Variants in PKD1 observed in about 807,000 individuals in gnomAD.
The protein encoded by PKD1 is polycystin-1.
In PKD1, 81 loss-of-function variants were observed where a neutral mutation model predicts 361.7. That is an observed-to-expected ratio of 0.22 (90% confidence interval 0.19 to 0.27). PKD1 has a LOEUF of 0.27. Ranked by LOEUF, PKD1 falls within the 10% of genes least tolerant of loss-of-function variation. The probability of loss-of-function intolerance (pLI) is 1.00; values close to 1 mark genes in which losing one functional copy is unlikely to be tolerated. For missense variants in PKD1, 6,399 were observed against 6,118.3 expected (o/e 1.05, Z -1.53); for synonymous variants, 3,615 against 2,818.3 (o/e 1.28, Z -8.95).
At chr16:2,129,290 G>A (rs2151846908) in intron 1 of PKD1, among the ~76,000 whole-genome samples, 1 of 149,908 alleles carries the variant, frequency 6.7e-6, no homozygotes, top group Admixed American at 6.7e-5. Flanking sequence ...CTCCCAACTA[G>A]CTGGGACTAC....
chr16:2,108,341 G>A lies in PKD1; in HGVS notation c.6826C>T (p.Leu2276=). 2 of 1,608,208 alleles carry A rather than the reference G, an allele frequency of 1.2e-6. No homozygotes were observed. The highest frequency in any genetic ancestry group is 1.7e-6 in the Non-Finnish European group (2 of 1,177,792). The change falls in exon 15 of 46, where the codon CTG becomes TTG. Residue 2276 remains leucine, a synonymous_variant. Coordinates refer to ENST00000262304, the MANE Select transcript of PKD1 (RefSeq NM_001009944.3). ...GGGTCGTAGGACTCGCTCCCATCCA[G>A]CACCAGGTCCCGTGTGTCTGACCAC... ...RVWSDTRDLV[L]DGSESYDPNL...
intron 15 of PKD1, 40 bp downstream of exon 15, chr16:2,108,212 C>T (rs774548417): frequency 4.1e-5 from 64 of 1,561,632 alleles, no homozygotes; most frequent in African/African-American, 5.4e-5. Flanking sequence ...TGGGTGTGGA[C>T]GGGTGAGGGG....
In PKD1 at chr16:2,108,971, G is replaced by C; in HGVS notation, c.6196C>G (p.Leu2066Val). Residue 2066 changes from leucine to valine, a missense_variant, in exon 15 of 46, where the codon CTG becomes GTG. Physicochemically the swap from Leu to Val is conservative, Grantham distance 32. Coordinates refer to ENST00000262304, the MANE Select transcript of PKD1 (RefSeq NM_001009944.3). ...EVQDAVQYVA[L>V]QSGPCFTNRS... ...TTGGTGAAGCAGGGGCCGCTCTGCA[G>C]GGCCACATACTGGACGGCGTCCTGA... is the stretch of plus-strand genomic sequence containing the variant. 1 of 1,609,852 alleles carries C rather than the reference G, an allele frequency of 6.2e-7. No homozygotes were observed.
At chr16:2,135,181 A>G (rs1773352179) in intron 1 of PKD1, 1 of 972,976 alleles carries the variant, frequency 1.0e-6, no homozygotes, top group African/African-American at 1.8e-5. Flanking sequence ...TTCCTCTCCA[A>G]TTAGCGACTG....
chr16:2,092,023 G>A (rs1251595027), intron 40 of PKD1, 24 bp downstream of exon 40: 66 of 1,612,472 alleles, frequency 4.1e-5, no homozygotes, highest in Non-Finnish European at 5.3e-5. Context: ...TGGCGTAGAC[G>A]CCCGGGGCCC....
rs185901705 is a variant in PKD1, at chr16:2,111,834, G to A, written c.3333C>T (p.Phe1111=). 3.7e-5 allele frequency: 59 copies of A among 1,610,284 alleles called. No homozygotes were observed. Among genetic ancestry groups the A allele is most frequent in the East Asian group, 4.5e-5 (2 of 44,862 alleles). The change falls in exon 15 of 46, where the codon TTC becomes TTT. Residue 1111 remains phenylalanine (F), a synonymous_variant. Transcript: ENST00000262304. ...YLLTVLASNA[F]ENLTQQVPVS... is the part of the protein sequence containing the mutation. ...CAGGCACCTGCTGCGTCAGGTTCTCGAAGGCATTAGATGCCAGCACGGTCA... is the reference window on the plus strand; with the variant it reads ...CAGGCACCTGCTGCGTCAGGTTCTCAAAGGCATTAGATGCCAGCACGGTCA...
chr16:2,097,801 T>G (rs372581526), intron 31 of PKD1, 21 bp from the exon 32 acceptor site: 17 of 1,611,294 alleles, frequency 1.1e-5, no homozygotes, highest in East Asian at 2.2e-5. Flanking sequence ...CACAGTGTCT[T>G]GAGTCCAAGC....
Position 2,089,693 on chromosome 16 carries a change from C to G in PKD1, c.*34G>C. The G allele has an allele frequency of 3.2e-6, 5 of 1,553,452 alleles. No homozygotes were observed. Among genetic ancestry groups the G allele is most frequent in the Non-Finnish European group, 4.4e-6 (5 of 1,149,366 alleles). On this transcript the variant is annotated 3_prime_UTR_variant, in exon 46 of 46. Transcript: ENST00000262304. ...AAGTAATACTGAGCGGTGTCCACTC[C>G]GACTCCACGGCCCACCCCCGCCAGG...
intron 16 of PKD1, chr16:2,107,636 T>A: frequency 1.7e-6 from 1 of 585,250 alleles, no homozygotes; most frequent in Non-Finnish European, 3.1e-6. Context: ...TCCTCACTGT[T>A]GGTATTGCTA....
At chr16:2,098,083 C>T (rs1370734327) in intron 30 of PKD1, 99 bp from the exon 31 acceptor site, 7 of 697,188 alleles carry the variant, frequency 1.0e-5, no homozygotes, top group East Asian at 7.9e-5. Flanking sequence ...AGCCCGGTGC[C>T]ATCTGACAGA....
In PKD1 at chr16:2,115,496, CAGG is replaced by C. The variant is rs1420955278; in HGVS notation, c.1976_1978del (p.Ser659del). On this transcript the variant is annotated inframe_deletion, in exon 10 of 46. Coordinates refer to ENST00000262304, the MANE Select transcript of PKD1 (RefSeq NM_001009944.3). ...GCCATTGGCGCAGGCCTGGGGGTGG[CAGG>C]AGGCGTCCAGCGGCAAGCAGATGTT... 1 of 1,601,650 alleles carries C rather than the reference CAGG, an allele frequency of 6.2e-7. No individual in the cohort carries two copies. The highest frequency in any genetic ancestry group is 8.5e-7 in the Non-Finnish European group (1 of 1,175,642).
Position 2,115,316 on chromosome 16 carries a change from G to A in PKD1, c.2097+62C>T, listed in dbSNP as rs1026826338. The A allele has an allele frequency of 3.5e-6, 5 of 1,411,894 alleles. No homozygotes were observed. In the African/African-American group the frequency reaches 7.1e-5, roughly 20 times the overall value. The allele number at this position is 1,411,894 out of a possible 1,614,324, so 87.5% of individuals were successfully genotyped here. A position where few individuals can be genotyped will look rare whatever the true frequency, so the allele number is the denominator to read the frequency against. ...TCTGGTGCACAGACCCAGACCCTGGGCAGCAGACAGGAAGGTGGCCTGAGG... is the reference window on the plus strand; with the variant it reads ...TCTGGTGCACAGACCCAGACCCTGGACAGCAGACAGGAAGGTGGCCTGAGG... On this transcript the variant is annotated intron_variant, in intron 10 of 45. Transcript: ENST00000262304.
Position 2,111,114 on chromosome 16 carries a change from C to A in PKD1, c.4053G>T (p.Arg1351=), listed in dbSNP as rs371149993. The A allele has an allele frequency of 1.1e-4, 181 of 1,610,862 alleles. No individual in the cohort carries two copies. The East Asian group carries it at 3.3e-3, about 29-fold the overall frequency. ...GCPTVTHNFT[R]SGTFPLALVL... is the part of the protein sequence containing the mutation. ...CCAGCGCCAGGGGGAACGTGCCGCT[C>A]CGCGTGAAGTTGTGTGTCACCGTCG... The change falls in exon 15 of 46, where the codon CGG becomes CGT. Residue 1351 remains arginine (R), a synonymous_variant. Coordinates refer to ENST00000262304, the MANE Select transcript of PKD1 (RefSeq NM_001009944.3).
At chr16:2,123,030 G>C (rs557851874) in intron 1 of PKD1, among the ~76,000 whole-genome samples, 1 of 152,212 alleles carries the variant, frequency 6.6e-6, no homozygotes, top group African/African-American at 2.4e-5. Flanking sequence ...GGGCAGGGGT[G>C]GGGGCAGGTC....
intron 1 of PKD1, among the ~76,000 whole-genome samples, chr16:2,120,476 G>C (rs2092703343): frequency 6.6e-6 from 1 of 152,166 alleles, no homozygotes; most frequent in Admixed American, 6.5e-5. Context: ...TGTAAACCCA[G>C]TGCTTTGGGA....
Position 2,100,930 on chromosome 16 carries a change from G to A in PKD1, c.9398-364C>T, listed in dbSNP as rs1024584740. On this transcript the variant is annotated intron_variant, in intron 26 of 45. Coordinates refer to ENST00000262304, the MANE Select transcript of PKD1 (RefSeq NM_001009944.3). The surrounding 1 kb of genome is among the most constrained non-coding windows in gnomAD (Gnocchi z 4.4). ...CCGTCCCTCAGTTCATGCACAGACT[G>A]CAAAGCGTGAAGCTGTGTCACCTCC... 2.6e-5 allele frequency among the ~76,000 whole-genome samples: 4 copies of A among 152,092 alleles called. No homozygotes were observed. The highest frequency in any genetic ancestry group is 1.3e-4 in the Admixed American group (2 of 15,266).
At position 2,116,814 on chromosome 16, in the gene PKD1, T is replaced by C; in HGVS notation, c.1606+19A>G. 1 of 1,465,882 alleles carries C rather than the reference T, an allele frequency of 6.8e-7. No individual in the cohort carries two copies. The highest frequency in any genetic ancestry group is 1.2e-5 in the South Asian group (1 of 82,624). The allele number at this position is 1,465,882 out of a possible 1,614,324, so 90.8% of individuals were successfully genotyped here. The stretch of plus-strand genomic sequence containing the variant: ...AACCACAGCCAGCGTCTCAGGCCCC[T>C]GCCTGGCCCCCCGCACACCTCCGGG... On this transcript the variant is annotated intron_variant, in intron 7 of 45. Transcript: ENST00000262304.
Position 2,112,922 on chromosome 16 carries a change from G to A in PKD1, c.3027C>T (p.Tyr1009=). ...TGTTCATCCGCTCCACGGTTACGTT[G>A]TAGTTCACGGTGACGTTGCTCACGT... ...SNHVSNVTVN[Y]NVTVERMNRM... The change falls in exon 13 of 46, where the codon TAC becomes TAT. Residue 1009 remains tyrosine, a synonymous_variant. Transcript: ENST00000262304. 1 of 1,604,832 alleles carries A rather than the reference G, an allele frequency of 6.2e-7. No individual in the cohort carries two copies. Among genetic ancestry groups the A allele is most frequent in the Non-Finnish European group, 8.5e-7 (1 of 1,179,752 alleles).
intron 5 of PKD1, 36 bp from the exon 6 acceptor site, chr16:2,117,708 G>C (rs1350216629): frequency 1.0e-5 from 15 of 1,491,888 alleles, no homozygotes; most frequent in South Asian, 5.7e-5. Flanking sequence ...TCAACGGTCA[G>C]TGTGGGCCCA....
Sources: allele counts gnomAD v4.1 joint callset (sites outside exome capture counted in the v4.1 genomes callset), GRCh38; gene constraint gnomAD v4.1.1; non-coding constraint Gnocchi (gnomAD v3.1); transcripts MANE v1.5; gene names NCBI Gene and HGNC (gene_info 2026-07-23, HGNC 2026-07-21).